Variants in EIF3H observed in about 807,000 individuals in gnomAD.
EIF3H encodes the protein eukaryotic translation initiation factor 3 subunit H, also known as eIF-3-gamma.
EIF3H carries 26 observed loss-of-function variants against 44.2 expected under a neutral mutation model. The observed-to-expected ratio is 0.59, with a 90% CI of 0.43 to 0.82. The LOEUF (loss-of-function observed/expected upper bound fraction) is 0.82. EIF3H is among the 40% of genes least tolerant of loss of function. The pLI, the probability that EIF3H is intolerant of heterozygous loss-of-function variation, is 0.00. For missense variants in EIF3H, 359 were observed against 432.8 expected, an observed-to-expected ratio of 0.83 and a Z score of 1.51; for synonymous variants, 166 against 151.9, an observed-to-expected ratio of 1.09 and a Z score of -0.68.
At chr8:116,741,256 AGAT>A (rs1290507843) in intron 1 of EIF3H, among the ~76,000 whole-genome samples, 1 of 152,112 alleles carries the variant, frequency 6.6e-6, no homozygotes, top group African/African-American at 2.4e-5. Flanking sequence ...CATTCCTCAG[AGAT>A]TTTTTTTTCA....
At chr8:116,720,570 C>T (rs542122099) in intron 2 of EIF3H, among the ~76,000 whole-genome samples, 2 of 152,190 alleles carry the variant, frequency 1.3e-5, no homozygotes, top group East Asian at 1.9e-4. Flanking sequence ...TGTAAATACC[C>T]GAAAATGTGG....
intron 2 of EIF3H, among the ~76,000 whole-genome samples, chr8:116,662,302 A>G (rs1185542337): frequency 6.6e-6 from 1 of 152,130 alleles, no homozygotes; most frequent in Non-Finnish European, 1.5e-5. Flanking sequence ...GGCATCATAT[A>G]AAGAAAGGAC....
At chr8:116,653,348 A>ACACACACACACACACACACAC (rs10529632) in intron 5 of EIF3H, among the ~76,000 whole-genome samples, 1 of 144,576 alleles carries the variant, frequency 6.9e-6, no homozygotes, top group African/African-American at 2.6e-5. Context: ...AACAATCAGA[A>ACACACACACACACACACACAC]ACACACACAC....
chr8:116,727,101 T>C lies in EIF3H; in HGVS notation c.133-929A>G, dbSNP rs147626153. On this transcript the variant is annotated intron_variant, in intron 1 of 7. Coordinates refer to ENST00000521861, the MANE Select transcript of EIF3H (RefSeq NM_003756.3). ...TTATTAGTGTTTCATTTAAAACAAA[T>C]ATATTATTGTTAGAAACGAAGTAAT... 3.7e-4 allele frequency among the ~76,000 whole-genome samples: 56 copies of C among 152,324 alleles called. 1 individual carries two copies. The South Asian group carries it at 9.9e-3, about 27-fold the overall frequency.
chr8:116,647,089 T>C (rs1429290301), intron 6 of EIF3H, among the ~76,000 whole-genome samples: 1 of 152,160 alleles, frequency 6.6e-6, no homozygotes, highest in African/African-American at 2.4e-5. Context: ...TTTTTTCTTT[T>C]CTTTTCTTTT....
chr8:116,721,920 C>G (rs573358481), intron 2 of EIF3H, among the ~76,000 whole-genome samples: 86 of 152,340 alleles, frequency 5.6e-4, no homozygotes, highest in Admixed American at 1.3e-3. Context: ...TGCCTTGTTT[C>G]AGATGAGACT....
At chr8:116,667,881 A>G (rs1813694604) in intron 2 of EIF3H, among the ~76,000 whole-genome samples, 1 of 152,186 alleles carries the variant, frequency 6.6e-6, no homozygotes, top group African/African-American at 2.4e-5. Flanking sequence ...CCTCACCTAG[A>G]AAATAATAGT....
intron 2 of EIF3H, among the ~76,000 whole-genome samples, chr8:116,691,660 A>C (rs1337732475): frequency 6.6e-6 from 1 of 152,164 alleles, no homozygotes; most frequent in East Asian, 1.9e-4. Flanking sequence ...GGATCACTTT[A>C]GGCCAGGAGT....
At chr8:116,726,699 A>C (rs1339665582) in intron 1 of EIF3H, among the ~76,000 whole-genome samples, 3 of 152,164 alleles carry the variant, frequency 2.0e-5, no homozygotes, top group African/African-American at 2.4e-5. Flanking sequence ...CATATCCAAC[A>C]ACAATCTGGT....
At chr8:116,685,500 T>G (rs1229415341) in intron 2 of EIF3H, among the ~76,000 whole-genome samples, 1 of 152,214 alleles carries the variant, frequency 6.6e-6, no homozygotes, top group Admixed American at 6.5e-5. Context: ...CCCATATGAC[T>G]GCTGATTACA....
chr8:116,716,202 A>G lies in EIF3H; in HGVS notation c.289+9814T>C, dbSNP rs141345490. On this transcript the variant is annotated intron_variant, in intron 2 of 7. Transcript: ENST00000521861. The stretch of plus-strand genomic sequence containing the variant: ...AAGTGAGCAATTAAAAAGATACTAG[A>G]GTCAGAAAAAATTGGTTCAGAAGTT... Among the ~76,000 whole-genome samples the G allele has an allele frequency of 4.2e-3, 645 of 152,186 alleles. 3 individuals are homozygous for G. Among genetic ancestry groups the G allele is most frequent in the Non-Finnish European group, 6.0e-3 (405 of 67,936 alleles).
chr8:116,754,020 A>G (rs1815401002), intron 1 of EIF3H, among the ~76,000 whole-genome samples: 1 of 152,192 alleles, frequency 6.6e-6, no homozygotes, highest in African/African-American at 2.4e-5. Flanking sequence ...GAGATTTGCA[A>G]TCTCTAAAGA....
intron 2 of EIF3H, among the ~76,000 whole-genome samples, chr8:116,668,084 G>A (rs774334980): frequency 1.3e-5 from 2 of 152,130 alleles, no homozygotes; most frequent in African/African-American, 4.8e-5. Context: ...GATTTGAGCC[G>A]TCAATTGTGA....
intron 1 of EIF3H, among the ~76,000 whole-genome samples, chr8:116,733,411 T>C (rs916361412): frequency 6.6e-6 from 1 of 152,180 alleles, no homozygotes; most frequent in Non-Finnish European, 1.5e-5. Context: ...CTTGCTCTTT[T>C]GGGTGACCTG....
intron 2 of EIF3H, among the ~76,000 whole-genome samples, chr8:116,694,696 AT>A (rs1814238164): frequency 6.6e-6 from 1 of 152,144 alleles, no homozygotes; most frequent in African/African-American, 2.4e-5. Flanking sequence ...CTGTTTCACA[AT>A]TTTTTTGTTT....
chr8:116,754,536 T>C (rs1815409061), intron 1 of EIF3H, among the ~76,000 whole-genome samples: 1 of 152,256 alleles, frequency 6.6e-6, no homozygotes, highest in African/African-American at 2.4e-5. Context: ...ATAATTAACA[T>C]TAAGTGATTA....
intron 2 of EIF3H, among the ~76,000 whole-genome samples, chr8:116,689,473 A>C (rs867239286): frequency 1.3e-5 from 2 of 152,216 alleles, no homozygotes; most frequent in Admixed American, 6.5e-5. Context: ...AAGTGAGGGT[A>C]ATGTTTTACC....
At chr8:116,747,735 A>G (rs932473673) in intron 1 of EIF3H, among the ~76,000 whole-genome samples, 25 of 152,218 alleles carry the variant, frequency 1.6e-4, no homozygotes, top group Non-Finnish European at 3.5e-4. Context: ...CTTTAAATTC[A>G]TAAGAGTATC....
At chr8:116,699,903 T>C (rs1016806497) in intron 2 of EIF3H, among the ~76,000 whole-genome samples, 3 of 152,048 alleles carry the variant, frequency 2.0e-5, no homozygotes, top group African/African-American at 7.2e-5. Flanking sequence ...CTCTGCCTCC[T>C]GGGTTCAAGA....
Sources: gnomAD v4.1 joint callset for allele counts (sites outside exome capture counted in the v4.1 genomes callset) on GRCh38, gnomAD v4.1.1 for gene constraint, MANE v1.5 for transcripts, NCBI Gene and HGNC (gene_info 2026-07-23, HGNC 2026-07-21) for gene names.